The following NKAIN2 variants were observed in gnomAD, a reference collection of about 807,000 sequenced individuals.
NKAIN2 encodes the protein sodium/potassium transporting ATPase interacting 2.
In NKAIN2, 14 loss-of-function variants were observed where a neutral mutation model predicts 32.6. That is an observed-to-expected ratio of 0.43 (90% confidence interval 0.28 to 0.67). The LOEUF (loss-of-function observed/expected upper bound fraction) is 0.67, where lower values mean the gene tolerates loss of function less well. NKAIN2 is among the 30% of genes least tolerant of loss of function. The pLI is 0.17. For synonymous variants in NKAIN2, 80 were observed against 87.2 expected (o/e 0.92, Z 0.46); for missense variants, 198 against 258.3 (o/e 0.77, Z 1.60).
At chr6:124,034,776 A>T (rs1781539371) in intron 1 of NKAIN2, among the ~76,000 whole-genome samples, 1 of 151,888 alleles carries the variant, frequency 6.6e-6, no homozygotes, top group Admixed American at 6.6e-5. Context: ...ATCCTCACCA[A>T]CACCTGTTAT....
intron 3 of NKAIN2, among the ~76,000 whole-genome samples, chr6:124,498,892 T>TA (rs1268054361): frequency 1.3e-5 from 2 of 152,152 alleles, no homozygotes; most frequent in Non-Finnish European, 2.9e-5. Flanking sequence ...CAAACGGTAG[T>TA]AAAACAATAT....
At chr6:124,489,156 G>T (rs1202424644) in intron 3 of NKAIN2, among the ~76,000 whole-genome samples, 1 of 151,882 alleles carries the variant, frequency 6.6e-6, no homozygotes, top group Non-Finnish European at 1.5e-5. Flanking sequence ...TAATGTAAGA[G>T]ATGAGATGTG....
At chr6:124,581,123 GT>G (rs1468293651) in intron 3 of NKAIN2, among the ~76,000 whole-genome samples, 1 of 152,148 alleles carries the variant, frequency 6.6e-6, no homozygotes, top group African/African-American at 2.4e-5. Context: ...GCATTAGACA[GT>G]TCATCCAGAC....
intron 4 of NKAIN2, among the ~76,000 whole-genome samples, chr6:124,784,309 C>T (rs927702677): frequency 6.6e-6 from 1 of 152,092 alleles, no homozygotes; most frequent in African/African-American, 2.4e-5. Flanking sequence ...GGTATTGATA[C>T]AGTCAAGACA....
In NKAIN2 at chr6:124,276,120, G is replaced by A. The variant is rs184574191; in HGVS notation, c.55-6885G>A. Among the ~76,000 whole-genome samples the A allele has an allele frequency of 1.4e-3, 213 of 151,966 alleles. 1 individual carries two copies. Among genetic ancestry groups the A allele is most frequent in the Non-Finnish European group, 2.4e-3 (162 of 67,938 alleles). On this transcript the variant is annotated intron_variant, in intron 1 of 6. Coordinates refer to ENST00000368417, the MANE Select transcript of NKAIN2 (RefSeq NM_001040214.3). Reference sequence around the variant, plus strand: ...CCAAGTCTCTTTTTGGTGGTGTTTCGTTGTGGTGGCGGTGGTGATTTATTT... The same window carrying A: ...CCAAGTCTCTTTTTGGTGGTGTTTCATTGTGGTGGCGGTGGTGATTTATTT...
intron 3 of NKAIN2, among the ~76,000 whole-genome samples, chr6:124,492,765 A>G (rs557046381): frequency 3.3e-5 from 5 of 152,190 alleles, no homozygotes; most frequent in South Asian, 2.1e-4. Flanking sequence ...AAATAATTTA[A>G]GAAATAATAT....
intron 3 of NKAIN2, among the ~76,000 whole-genome samples, chr6:124,435,308 A>G (rs2114577346): frequency 6.6e-6 from 1 of 152,256 alleles, no homozygotes. Context: ...GGAGCAGAAG[A>G]CTTCAAAGCT....
intron 3 of NKAIN2, among the ~76,000 whole-genome samples, chr6:124,651,085 T>C (rs1784351581): frequency 6.6e-6 from 1 of 151,958 alleles, no homozygotes; most frequent in Non-Finnish European, 1.5e-5. Flanking sequence ...CTCAATAAAG[T>C]CCAAAACCCA....
intron 3 of NKAIN2, among the ~76,000 whole-genome samples, chr6:124,450,556 T>C (rs1562192883): frequency 6.6e-6 from 1 of 151,836 alleles, no homozygotes; most frequent in Non-Finnish European, 1.5e-5. Flanking sequence ...TAACTCTCAA[T>C]TTTGTACAGA....
intron 3 of NKAIN2, among the ~76,000 whole-genome samples, chr6:124,379,497 T>G (rs1800165929): frequency 6.6e-6 from 1 of 152,144 alleles, no homozygotes; most frequent in African/African-American, 2.4e-5. Flanking sequence ...TTTCTAATAG[T>G]GCAAGTGCTT....
intron 4 of NKAIN2, among the ~76,000 whole-genome samples, chr6:124,700,271 T>A (rs1331882514): frequency 3.9e-5 from 6 of 152,156 alleles, no homozygotes; most frequent in Non-Finnish European, 8.8e-5. Context: ...TTAAATATTT[T>A]AATAGGATCT....
intron 1 of NKAIN2, among the ~76,000 whole-genome samples, chr6:124,256,203 A>G (rs1793921985): frequency 6.6e-6 from 1 of 152,192 alleles, no homozygotes; most frequent in African/African-American, 2.4e-5. Context: ...CACAACAAAA[A>G]TCCAAAAGGT....
At chr6:124,229,359 G>C (rs1450532507) in intron 1 of NKAIN2, among the ~76,000 whole-genome samples, 1 of 152,174 alleles carries the variant, frequency 6.6e-6, no homozygotes, top group Admixed American at 6.5e-5. Flanking sequence ...TATGTGAAGG[G>C]CAATCTGTAG....
At chr6:123,988,960 T>C (rs1779291261) in intron 1 of NKAIN2, among the ~76,000 whole-genome samples, 1 of 151,862 alleles carries the variant, frequency 6.6e-6, no homozygotes, top group Non-Finnish European at 1.5e-5. Flanking sequence ...TAGGAGAAGA[T>C]CTTTTGTTTA....
At chr6:124,729,345 A>G (rs1259195457) in intron 4 of NKAIN2, among the ~76,000 whole-genome samples, 9 of 150,836 alleles carry the variant, frequency 6.0e-5, no homozygotes, top group African/African-American at 2.2e-4. Context: ...CAGCACATCA[A>G]AAAGCTTATC....
chr6:124,494,644 A>G (rs1357473303), intron 3 of NKAIN2, among the ~76,000 whole-genome samples: 2 of 152,156 alleles, frequency 1.3e-5, no homozygotes, highest in Admixed American at 1.3e-4. Context: ...AGGTCAAAAT[A>G]CAATGAAGAG....
chr6:124,539,000 T>A (rs908042719), intron 3 of NKAIN2, among the ~76,000 whole-genome samples: 2 of 152,160 alleles, frequency 1.3e-5, no homozygotes, highest in African/African-American at 2.4e-5. Flanking sequence ...TTAAACATAC[T>A]TTTACATAAT....
intron 1 of NKAIN2, among the ~76,000 whole-genome samples, chr6:124,171,929 C>T (rs1354016436): frequency 6.6e-6 from 1 of 150,896 alleles, no homozygotes; most frequent in Non-Finnish European, 1.5e-5. Context: ...TCACTTGCCT[C>T]AGCCTCCCAA....
At chr6:124,470,712 A>G (rs1776937317) in intron 3 of NKAIN2, among the ~76,000 whole-genome samples, 1 of 152,156 alleles carries the variant, frequency 6.6e-6, no homozygotes, top group Non-Finnish European at 1.5e-5. Context: ...TGCAAGCCAT[A>G]TAGCAAATGA....
Sources: allele counts gnomAD v4.1 joint callset (sites outside exome capture counted in the v4.1 genomes callset), GRCh38; gene constraint gnomAD v4.1.1; transcripts MANE v1.5; gene names NCBI Gene and HGNC (gene_info 2026-07-23, HGNC 2026-07-21).